LTBP1: variants seen among roughly 807,000 people sequenced by gnomAD.
LTBP1 encodes latent-transforming growth factor beta-binding protein 1.
In LTBP1, 129 loss-of-function variants were observed where a neutral mutation model predicts 207.6. The ratio of observed to expected loss-of-function variants is 0.62; its 90% CI spans 0.54 to 0.72. The LOEUF is 0.72. Among genes scored for constraint, LTBP1 ranks in the 30% least tolerant of loss-of-function variants. The pLI, the probability that LTBP1 is intolerant of heterozygous loss-of-function variation, is 0.00. For synonymous variants in LTBP1, 963 were observed against 833.7 expected (o/e 1.16, Z -2.67); for missense variants, 2,281 against 2,217.2 (o/e 1.03, Z -0.58).
chr2:33,146,430 A>G (rs2150890718), intron 5 of LTBP1, among the ~76,000 whole-genome samples: 1 of 152,354 alleles, frequency 6.6e-6, no homozygotes, highest in South Asian at 2.1e-4. Flanking sequence ...ACATGGGCAG[A>G]GCGGAGGGTG....
In LTBP1 at chr2:32,947,321, C is replaced by A. The variant is rs1558419405; in HGVS notation, c.-4C>A. 2 of 1,234,758 alleles carry A rather than the reference C, an allele frequency of 1.6e-6. No homozygotes were observed. The highest frequency in any genetic ancestry group is 2.0e-6 in the Non-Finnish European group (2 of 989,080). The allele number at this position is 1,234,758 out of a possible 1,614,324, so 76.5% of individuals were successfully genotyped here. ...GCGACCGGTCGCGCCCGCTGGGGCC[C>A]GCGATGGCGGGGGCCTGGCTCAGGT... On this transcript the variant is annotated 5_prime_UTR_variant, in exon 1 of 34. Coordinates refer to ENST00000404816, the MANE Select transcript of LTBP1 (RefSeq NM_206943.4).
At chr2:33,357,040 T>C (rs952824305) in intron 26 of LTBP1, among the ~76,000 whole-genome samples, 1 of 152,188 alleles carries the variant, frequency 6.6e-6, no homozygotes, top group African/African-American at 2.4e-5. Flanking sequence ...TCAGAACACA[T>C]TGTAAATGGA....
chr2:32,994,795 A>G (rs933015342), intron 2 of LTBP1, among the ~76,000 whole-genome samples: 3 of 152,208 alleles, frequency 2.0e-5, no homozygotes, highest in South Asian at 4.1e-4. Context: ...CTTGCTGCGT[A>G]TAAGAATCTC....
At chr2:33,284,938 T>G (rs1452877637) in intron 19 of LTBP1, among the ~76,000 whole-genome samples, 1 of 152,126 alleles carries the variant, frequency 6.6e-6, no homozygotes, top group African/African-American at 2.4e-5. Flanking sequence ...ACAACCCTTT[T>G]TCCCCAACTA....
At chr2:33,302,094 A>G (rs1204216178) in intron 22 of LTBP1, among the ~76,000 whole-genome samples, 1 of 152,214 alleles carries the variant, frequency 6.6e-6, no homozygotes, top group Non-Finnish European at 1.5e-5. Context: ...CCACATGTCC[A>G]GTATCGTGCA....
At position 33,293,284 on chromosome 2, in the gene LTBP1, T is replaced by C. The variant is rs780973177; in HGVS notation, c.3235+2T>C. 6.3e-7 allele frequency: 1 copy of C among 1,592,774 alleles called. No homozygotes were observed. On this transcript the variant is annotated splice_donor_variant, in intron 20 of 33. Transcript: ENST00000404816. LOFTEE classifies it high-confidence loss of function. ...CTCCGGACCACAAGCACTGTAGAGG[T>C]AAATACTGTGATCAAGTTTCCCATT...
At chr2:32,977,843 A>T (rs1414394817) in intron 2 of LTBP1, among the ~76,000 whole-genome samples, 2 of 152,052 alleles carry the variant, frequency 1.3e-5, no homozygotes, top group Non-Finnish European at 2.9e-5. Context: ...AGTTTCATGG[A>T]TGATCAGCTT....
chr2:33,021,120 T>C lies in LTBP1; in HGVS notation c.777T>C (p.Thr259=), dbSNP rs2075145311. 6.2e-7 allele frequency: 1 copy of C among 1,614,056 alleles called. No individual in the cohort carries two copies. The highest frequency in any genetic ancestry group is 8.5e-7 in the Non-Finnish European group (1 of 1,179,982). Residue 259 remains threonine, a synonymous_variant, in exon 3 of 34, where the codon ACT becomes ACC. Coordinates refer to ENST00000404816, the MANE Select transcript of LTBP1 (RefSeq NM_206943.4). ...AKHTSSKKAD[T]LPRVSPVAQM... ...ATACTTCATCTAAGAAGGCAGACACTCTACCAAGAGTCAGCCCTGTGGCCC... is the reference window on the plus strand; with the variant it reads ...ATACTTCATCTAAGAAGGCAGACACCCTACCAAGAGTCAGCCCTGTGGCCC...
intron 3 of LTBP1, among the ~76,000 whole-genome samples, chr2:33,092,372 G>T (rs1169106350): frequency 5.9e-5 from 9 of 152,188 alleles, no homozygotes. Flanking sequence ...AAAATACCAA[G>T]TTTATTGAAA....
At position 32,947,605 on chromosome 2, in the gene LTBP1, C is replaced by A; in HGVS notation, c.281C>A (p.Ala94Asp). ...TRRTSKPGGAALQGLRPPPPP... is the reference protein window; with the variant it reads ...TRRTSKPGGADLQGLRPPPPP... The stretch of plus-strand genomic sequence containing the variant: ...CGCACGAGCAAGCCGGGCGGCGCGG[C>A]CCTGCAGGGGCTCAGACCGCCGCCG... Residue 94 changes from alanine to aspartate, a missense_variant, in exon 1 of 34, where the codon GCC becomes GAC. Physicochemically the swap from Ala to Asp is moderately radical, Grantham distance 126. Coordinates refer to ENST00000404816, the MANE Select transcript of LTBP1 (RefSeq NM_206943.4). 7.5e-7 allele frequency: 1 copy of A among 1,328,616 alleles called. No homozygotes were observed. The allele number at this position is 1,328,616 out of a possible 1,614,324, so 82.3% of individuals were successfully genotyped here. A position where few individuals can be genotyped will look rare whatever the true frequency, so the allele number is the denominator to read the frequency against.
intron 5 of LTBP1, among the ~76,000 whole-genome samples, chr2:33,142,663 T>C (rs2045129): frequency 0.13 from 19,502 of 151,418 alleles, 1,827 homozygotes; most frequent in East Asian, 0.32. Flanking sequence ...GGGGGCAGAG[T>C]GGTTGTATAA....
chr2:33,121,986 G>A (rs1325609843), intron 4 of LTBP1, among the ~76,000 whole-genome samples: 1 of 151,982 alleles, frequency 6.6e-6, no homozygotes, highest in Non-Finnish European at 1.5e-5. Context: ...ATGGTAAATC[G>A]TATAATATAT....
intron 2 of LTBP1, among the ~76,000 whole-genome samples, chr2:32,971,102 T>C (rs1680805989): frequency 6.6e-6 from 1 of 151,824 alleles, no homozygotes; most frequent in African/African-American, 2.4e-5. Flanking sequence ...TTGGATGTTG[T>C]TGGTGTATAG....
At chr2:33,186,676 G>C (rs527887195) in intron 5 of LTBP1, among the ~76,000 whole-genome samples, 180 bp from the exon 6 acceptor site, 2 of 152,158 alleles carry the variant, frequency 1.3e-5, no homozygotes, top group African/African-American at 4.8e-5. Flanking sequence ...AAAGAAAAAG[G>C]TAGTCAGTAA....
chr2:32,980,965 T>A (rs548889026), intron 2 of LTBP1, among the ~76,000 whole-genome samples: 1 of 152,340 alleles, frequency 6.6e-6, no homozygotes, highest in East Asian at 1.9e-4. Context: ...CGCTCCATTG[T>A]ATGTTACTTG....
chr2:33,115,313 G>A (rs979376833), intron 4 of LTBP1, among the ~76,000 whole-genome samples: 6 of 152,134 alleles, frequency 3.9e-5, no homozygotes, highest in East Asian at 1.9e-4. Context: ...CCACAGACAC[G>A]GAAAGAAGAT....
At chr2:33,045,797 C>A (rs545480116) in intron 3 of LTBP1, among the ~76,000 whole-genome samples, 1 of 151,946 alleles carries the variant, frequency 6.6e-6, no homozygotes. Flanking sequence ...CCTTGAGCAG[C>A]GGTTTGTAGT....
At chr2:33,025,509 C>T (rs887274717) in intron 3 of LTBP1, among the ~76,000 whole-genome samples, 9 of 152,106 alleles carry the variant, frequency 5.9e-5, no homozygotes, top group African/African-American at 1.4e-4. Context: ...TAACCAATCA[C>T]AGTATTTTGA....
At chr2:33,297,385 G>A (rs991808792) in intron 20 of LTBP1, among the ~76,000 whole-genome samples, 12 of 150,666 alleles carry the variant, frequency 8.0e-5, no homozygotes, top group Non-Finnish European at 1.5e-4. Context: ...TCAGAGCTAG[G>A]ATCTAATATA....
Sources: allele counts gnomAD v4.1 joint callset (sites outside exome capture counted in the v4.1 genomes callset), GRCh38; gene constraint gnomAD v4.1.1; transcripts MANE v1.5; gene names NCBI Gene and HGNC (gene_info 2026-07-23, HGNC 2026-07-21).